The following SLC25A26 variants were observed in gnomAD, a reference collection of about 807,000 sequenced individuals.
The protein encoded by SLC25A26 is solute carrier family 25 member 26.
Under a neutral mutation model 37.8 loss-of-function variants are expected in SLC25A26, and 36 were observed. That is an observed-to-expected ratio of 0.95 (90% confidence interval 0.73 to 1.26). SLC25A26 has a LOEUF of 1.26. Among genes scored for constraint, SLC25A26 ranks in the 50% most tolerant of loss-of-function variants. The pLI is 0.00. For synonymous variants in SLC25A26, 129 were observed against 122.5 expected (o/e 1.05, Z -0.35); for missense variants, 390 against 331.1 (o/e 1.18, Z -1.38).
intron 5 of SLC25A26, among the ~76,000 whole-genome samples, chr3:66,307,575 G>T (rs960410201): frequency 1.3e-5 from 2 of 152,142 alleles, no homozygotes; most frequent in Non-Finnish European, 2.9e-5. Context: ...TGAAGTCTTT[G>T]CCCATGCCTA....
At chr3:66,322,550 G>A (rs2075723977) in intron 5 of SLC25A26, among the ~76,000 whole-genome samples, 1 of 152,178 alleles carries the variant, frequency 6.6e-6, no homozygotes, top group Admixed American at 6.5e-5. Context: ...TGAGTATCTT[G>A]CCTTTAACAG....
chr3:66,258,383 A>G (rs17044224), intron 3 of SLC25A26, among the ~76,000 whole-genome samples: 18,444 of 152,134 alleles, frequency 0.12, 1,523 homozygotes, highest in African/African-American at 0.21. Flanking sequence ...AGAGCCTGGC[A>G]TCTTGTTCAC....
chr3:66,305,517 A>G (rs2075193113), intron 5 of SLC25A26, among the ~76,000 whole-genome samples: 1 of 152,174 alleles, frequency 6.6e-6, no homozygotes, highest in Admixed American at 6.5e-5. Context: ...TTACATAGGT[A>G]AATATGTGCT....
intron 3 of SLC25A26, among the ~76,000 whole-genome samples, chr3:66,243,827 A>G (rs1680401): frequency 0.46 from 70,296 of 151,900 alleles, 17,848 homozygotes; most frequent in African/African-American, 0.67. Flanking sequence ...CACCATGTTG[A>G]CGTTTGGCTT....
At chr3:66,305,481 A>T (rs1213116199) in intron 5 of SLC25A26, among the ~76,000 whole-genome samples, 9 of 152,180 alleles carry the variant, frequency 5.9e-5, no homozygotes, top group Non-Finnish European at 1.3e-4. Flanking sequence ...AAGCTCCAGG[A>T]TACATATGTA....
At chr3:66,266,850 A>G (rs114071485) in intron 5 of SLC25A26, among the ~76,000 whole-genome samples, 3,062 of 152,290 alleles carry the variant, frequency 0.02, 42 homozygotes, top group Non-Finnish European at 0.031. Context: ...ATGATTTGAG[A>G]TGCTATTGGC....
At chr3:66,184,585 C>CTGCTCACCTTGTGTTTACTATGTATTACA (rs2070779897) in intron 1 of SLC25A26, among the ~76,000 whole-genome samples, 1 of 128,136 alleles carries the variant, frequency 7.8e-6, no homozygotes, top group Non-Finnish European at 1.7e-5. Flanking sequence ...TCACCTGACT[C>CTGCTCACCTTGTGTTTACTATGTATTACA]TGCTCACCTT....
intron 5 of SLC25A26, among the ~76,000 whole-genome samples, chr3:66,300,609 A>T (rs984973337): frequency 1.3e-4 from 20 of 152,140 alleles, no homozygotes; most frequent in African/African-American, 4.6e-4. Context: ...GGATTTATAT[A>T]CATCCTCCTA....
chr3:66,241,313 C>T (rs1049679143), intron 2 of SLC25A26, among the ~76,000 whole-genome samples: 3 of 152,094 alleles, frequency 2.0e-5, no homozygotes, highest in African/African-American at 7.2e-5. Flanking sequence ...TAAATTCAGA[C>T]AAGTTTGAGA....
intron 3 of SLC25A26, among the ~76,000 whole-genome samples, chr3:66,249,399 T>A (rs1164942591): frequency 6.6e-6 from 1 of 152,218 alleles, no homozygotes; most frequent in Non-Finnish European, 1.5e-5. Flanking sequence ...TCCCACTGGT[T>A]AAAGGATTGG....
intron 5 of SLC25A26, among the ~76,000 whole-genome samples, chr3:66,316,366 G>T (rs6785888): frequency 0.037 from 5,687 of 152,168 alleles, 336 homozygotes; most frequent in African/African-American, 0.13. Context: ...TTTCTCCTTT[G>T]CTTATGAGGC....
At chr3:66,318,837 A>G (rs571974870) in intron 5 of SLC25A26, among the ~76,000 whole-genome samples, 8 of 151,826 alleles carry the variant, frequency 5.3e-5, no homozygotes, top group African/African-American at 1.9e-4. Flanking sequence ...TATTATAGAG[A>G]TGGTATCTCT....
intron 2 of SLC25A26, among the ~76,000 whole-genome samples, chr3:66,238,532 G>C (rs1376421711): frequency 6.6e-6 from 1 of 151,906 alleles, no homozygotes; most frequent in Non-Finnish European, 1.5e-5. Context: ...ACAGGCACAC[G>C]CCACCACACC....
chr3:66,141,386 T>A (rs1286149081), intron 1 of SLC25A26, among the ~76,000 whole-genome samples: 1 of 151,842 alleles, frequency 6.6e-6, no homozygotes, highest in Non-Finnish European at 1.5e-5. Context: ...ACCACCACAC[T>A]CAACTCCTAC....
intron 9 of SLC25A26, among the ~76,000 whole-genome samples, chr3:66,375,091 A>G (rs999395437): frequency 6.6e-6 from 1 of 152,204 alleles, no homozygotes; most frequent in Non-Finnish European, 1.5e-5. Context: ...ACATACGAAG[A>G]AAGTTTGGTC....
chr3:66,363,222 C>T (rs1242262616), intron 7 of SLC25A26, among the ~76,000 whole-genome samples: 1 of 152,150 alleles, frequency 6.6e-6, no homozygotes, highest in Non-Finnish European at 1.5e-5. Flanking sequence ...TTTATAAAGT[C>T]CTCTGTGGGA....
intron 5 of SLC25A26, among the ~76,000 whole-genome samples, chr3:66,272,961 A>T (rs332343): frequency 0.36 from 54,132 of 151,960 alleles, 13,065 homozygotes; most frequent in African/African-American, 0.69. Context: ...TTTTGAGATA[A>T]GTCCCATCAA....
Position 66,365,959 on chromosome 3 carries a change from T to G in SLC25A26, c.568+3030T>G, listed in dbSNP as rs1162317940. Among the ~76,000 whole-genome samples, 3 of 152,298 alleles carry G rather than the reference T, an allele frequency of 2.0e-5. No homozygotes were observed. The South Asian group carries it at 6.2e-4, about 32-fold the overall frequency. On this transcript the variant is annotated intron_variant, in intron 7 of 9. Transcript: ENST00000354883. ...TGCCCCCACATTCTCAGCCACTGCT[T>G]AGAGGTGACAGCTCCAGCCTTATTG...
At chr3:66,307,961 T>G (rs1239835839) in intron 5 of SLC25A26, among the ~76,000 whole-genome samples, 2 of 152,224 alleles carry the variant, frequency 1.3e-5, no homozygotes, top group Non-Finnish European at 2.9e-5. Flanking sequence ...TTCTTTTTGC[T>G]TAGGATTGTC....
Sources: allele counts gnomAD v4.1 joint callset (sites outside exome capture counted in the v4.1 genomes callset), GRCh38; gene constraint gnomAD v4.1.1; transcripts MANE v1.5; gene names NCBI Gene and HGNC (gene_info 2026-07-23, HGNC 2026-07-21).